UBAC1: variants seen among roughly 807,000 people sequenced by gnomAD.
UBAC1 encodes the protein UBA domain containing 1.
In UBAC1, 27 loss-of-function variants were observed where a neutral mutation model predicts 45.9. The ratio of observed to expected loss-of-function variants is 0.59; its 90% CI spans 0.43 to 0.81. The LOEUF is 0.81. UBAC1 is among the 30% of genes least tolerant of loss of function. The pLI is 0.00. For synonymous variants in UBAC1, 227 were observed against 215.5 expected, an observed-to-expected ratio of 1.05 and a Z score of -0.47; for missense variants, 529 against 539.2, an observed-to-expected ratio of 0.98 and a Z score of 0.19.
At chr9:135,954,465 G>C (rs1017225603) in intron 2 of UBAC1, among the ~76,000 whole-genome samples, 4 of 151,494 alleles carry the variant, frequency 2.6e-5, no homozygotes, top group African/African-American at 9.7e-5. Context: ...GGTTCCTTTG[G>C]TCCCCCCAAA....
chr9:135,952,257 T>C (rs867800426), intron 3 of UBAC1, among the ~76,000 whole-genome samples: 3 of 152,278 alleles, frequency 2.0e-5, no homozygotes, highest in Admixed American at 6.5e-5. Context: ...AAATAGCTTA[T>C]GCACTACCAG....
chr9:135,943,613 C>T (rs1839293736), intron 7 of UBAC1, among the ~76,000 whole-genome samples: 1 of 152,082 alleles, frequency 6.6e-6, no homozygotes, highest in South Asian at 2.1e-4. Flanking sequence ...TGGGTATATA[C>T]CCAAAGGAAT....
At chr9:135,937,426 G>A (rs1839213393) in intron 9 of UBAC1, among the ~76,000 whole-genome samples, 2 of 136,462 alleles carry the variant, frequency 1.5e-5, no homozygotes, top group Admixed American at 7.8e-5. Context: ...GGGTGACAAG[G>A]CGAGACTCTG....
intron 8 of UBAC1, among the ~76,000 whole-genome samples, chr9:135,939,098 A>T (rs369824185): frequency 6.6e-6 from 1 of 151,964 alleles, no homozygotes; most frequent in East Asian, 1.9e-4. Flanking sequence ...GCTACTCAGG[A>T]GGCTGAGGCA....
Position 135,938,239 on chromosome 9 carries a change from T to C in UBAC1, c.1085A>G (p.Asn362Ser). ...DNPVVQLGLTNPKTLLAFEDM... is the reference protein window; with the variant it reads ...DNPVVQLGLTSPKTLLAFEDM... Reference sequence around the variant, plus strand: ...GCACATACCTAGCAATGTTTTCGGGTTGGTCAGGCCCAGCTGCACCACCGG... The same window carrying C: ...GCACATACCTAGCAATGTTTTCGGGCTGGTCAGGCCCAGCTGCACCACCGG... Residue 362 changes from asparagine to serine, a missense_variant, in exon 9 of 10, where the codon AAC (asparagine) becomes AGC (serine). By Grantham distance (46) the Asn-to-Ser change is conservative. Transcript: ENST00000371756. The C allele has an allele frequency of 6.2e-7, 1 of 1,613,912 alleles. No homozygotes were observed. The highest frequency in any genetic ancestry group is 1.1e-5 in the South Asian group (1 of 91,066).
chr9:135,950,742 A>G (rs190605003), intron 3 of UBAC1, among the ~76,000 whole-genome samples: 3 of 152,340 alleles, frequency 2.0e-5, no homozygotes, highest in Non-Finnish European at 4.4e-5. Context: ...TTCAAGGAAT[A>G]ATAATATACA....
rs1391976332 is a variant in UBAC1 at position 135,945,884 on chromosome 9, C to A, written c.653+5G>T. 1.9e-6 allele frequency: 3 copies of A among 1,613,230 alleles called. No individual in the cohort carries two copies. Among genetic ancestry groups the A allele is most frequent in the Non-Finnish European group, 2.5e-6 (3 of 1,179,504 alleles). On this transcript the variant is annotated splice_donor_5th_base_variant and intron_variant, in intron 6 of 9. Coordinates refer to ENST00000371756, the MANE Select transcript of UBAC1 (RefSeq NM_016172.3). ...GGCAAGGGAAGGAGGTGGCCCCCCACGCACTGGTTCAGCTGAAGGGCCTTG... is the reference window on the plus strand; with the variant it reads ...GGCAAGGGAAGGAGGTGGCCCCCCAAGCACTGGTTCAGCTGAAGGGCCTTG...
intron 1 of UBAC1, among the ~76,000 whole-genome samples, chr9:135,959,616 G>A (rs1392147664): frequency 2.6e-5 from 4 of 151,852 alleles, no homozygotes; most frequent in East Asian, 1.9e-4. Flanking sequence ...CTCATAATCC[G>A]CCCACCTCGG....
intron 1 of UBAC1, among the ~76,000 whole-genome samples, chr9:135,956,306 T>C (rs1839465031): frequency 6.6e-6 from 1 of 152,188 alleles, no homozygotes; most frequent in Admixed American, 6.5e-5. Context: ...CAGGGGTAGA[T>C]CCTGCTCCTC....
intron 7 of UBAC1, among the ~76,000 whole-genome samples, chr9:135,943,623 T>G (rs769040602): frequency 5.3e-5 from 8 of 152,182 alleles, no homozygotes; most frequent in Admixed American, 2.6e-4. Context: ...CCCAAAGGAA[T>G]AGAAATCATT....
chr9:135,950,920 C>G (rs1839399568), intron 3 of UBAC1, among the ~76,000 whole-genome samples: 1 of 152,122 alleles, frequency 6.6e-6, no homozygotes, highest in African/African-American at 2.4e-5. Context: ...CGGTGAGACC[C>G]CATGTCTACA....
intron 1 of UBAC1, among the ~76,000 whole-genome samples, chr9:135,958,731 C>T (rs759775036): frequency 6.6e-6 from 1 of 152,188 alleles, no homozygotes; most frequent in Non-Finnish European, 1.5e-5. Flanking sequence ...AAATACACAA[C>T]TCGAGGGTTC....
intron 9 of UBAC1, among the ~76,000 whole-genome samples, chr9:135,935,622 A>T (rs1394069245): frequency 6.6e-6 from 1 of 151,972 alleles, no homozygotes; most frequent in Non-Finnish European, 1.5e-5. Context: ...ACAGATCAAG[A>T]CCCTGTCTCC....
chr9:135,935,506 A>G (rs1170518907), intron 9 of UBAC1, among the ~76,000 whole-genome samples: 2 of 152,166 alleles, frequency 1.3e-5, no homozygotes, highest in African/African-American at 2.4e-5. Flanking sequence ...ATAGCTGGGC[A>G]TGGTCGTGCA....
chr9:135,938,110 G>A (rs1317335753), intron 9 of UBAC1, 112 bp downstream of exon 9: 19 of 1,480,140 alleles, frequency 1.3e-5, no homozygotes, highest in South Asian at 3.9e-5. Context: ...GCCAGCGCAC[G>A]GCGATCCTCA....
chr9:135,960,480 C>A (rs1000159982), intron 1 of UBAC1, among the ~76,000 whole-genome samples: 2 of 152,198 alleles, frequency 1.3e-5, no homozygotes, highest in South Asian at 4.1e-4. Flanking sequence ...CTGGGGCCAG[C>A]CAGGAAAAGA....
At chr9:135,937,427 C>A (rs560372593) in intron 9 of UBAC1, among the ~76,000 whole-genome samples, 132 of 119,654 alleles carry the variant, frequency 1.1e-3, no homozygotes, top group African/African-American at 4.2e-3. Flanking sequence ...GGTGACAAGG[C>A]GAGACTCTGT....
Position 135,947,814 on chromosome 9 carries a change from T to A in UBAC1, c.425A>T (p.Gln142Leu). 1 of 1,613,942 alleles carries A rather than the reference T, an allele frequency of 6.2e-7. No individual in the cohort carries two copies. The highest frequency in any genetic ancestry group is 8.5e-7 in the Non-Finnish European group (1 of 1,179,946). ...PSYNMDRAAV[Q>L]TNMRDFQTEL... ...GACACTCACGTCTCTCATGTTGGTC[T>A]GGACCGCGGCCCGGTCCATGTTGTA... Residue 142 changes from glutamine (Q) to leucine (L), a missense_variant, in exon 4 of 10, where the codon CAG becomes CTG. By Grantham distance (113) the Gln-to-Leu change is moderately radical. Coordinates refer to ENST00000371756, the MANE Select transcript of UBAC1 (RefSeq NM_016172.3).
chr9:135,943,958 C>T lies in UBAC1; in HGVS notation c.876+1070G>A, dbSNP rs530504719. ...ACACAGTGAGGGGAACATCACACAC[C>T]GGGGCCCATCAGGGGGTCTGGGGGA... On this transcript the variant is annotated intron_variant, in intron 7 of 9. Transcript: ENST00000371756. Among the ~76,000 whole-genome samples the T allele has an allele frequency of 5.9e-5, 9 of 152,144 alleles. No homozygotes were observed. In the East Asian group the frequency reaches 1.5e-3, roughly 26 times the overall value.
Sources: gnomAD v4.1 joint callset for allele counts (sites outside exome capture counted in the v4.1 genomes callset) on GRCh38, gnomAD v4.1.1 for gene constraint, MANE v1.5 for transcripts, NCBI Gene and HGNC (gene_info 2026-07-23, HGNC 2026-07-21) for gene names.